Variants in DYNC2H1 observed in about 807,000 individuals in gnomAD.
DYNC2H1 encodes the protein dynein cytoplasmic 2 heavy chain 1.
In DYNC2H1, 410 loss-of-function variants were observed where a neutral mutation model predicts 570.0. That is an observed-to-expected ratio of 0.72 (90% confidence interval 0.66 to 0.78). The LOEUF is 0.78. DYNC2H1 is among the 30% of genes least tolerant of loss of function. The pLI is 0.00. For synonymous variants in DYNC2H1, 1,688 were observed against 1,677.6 expected (o/e 1.01, Z -0.15); for missense variants, 4,865 against 5,046.4 (o/e 0.96, Z 1.09).
Position 103,154,497 on chromosome 11 carries a change from G to C in DYNC2H1, c.3349G>C (p.Ala1117Pro), listed in dbSNP as rs747681243. ...ACTGGAAGAGCCTAATTTCTCCCTG[G>C]CAAGTAGTATCTCTAAAGATATCGA... ...FRLEEPNFSL[A>P]SSISKDIESC... Residue 1117 changes from alanine (A) to proline (P), a missense_variant, in exon 23 of 89, where the codon GCA becomes CCA. Physicochemically the swap from Ala to Pro is conservative, Grantham distance 27. Coordinates refer to ENST00000375735, the MANE Select transcript of DYNC2H1 (RefSeq NM_001377.3). 6.4e-7 allele frequency: 1 copy of C among 1,562,684 alleles called. No homozygotes were observed. Among genetic ancestry groups the C allele is most frequent in the African/African-American group, 1.4e-5 (1 of 73,440 alleles).
intron 29 of DYNC2H1, among the ~76,000 whole-genome samples, chr11:103,162,058 T>C (rs1861115096): frequency 6.6e-6 from 1 of 152,166 alleles, no homozygotes; most frequent in Non-Finnish European, 1.5e-5. Context: ...AGAGTTTTGT[T>C]TTTTTTCCTC....
intron 80 of DYNC2H1, among the ~76,000 whole-genome samples, chr11:103,320,058 A>G (rs1260259859): frequency 6.6e-6 from 1 of 152,228 alleles, no homozygotes; most frequent in Admixed American, 6.5e-5. Context: ...AGTAATGCTA[A>G]CAATAAAGTT....
chr11:103,118,150 G>C (rs193286469), intron 6 of DYNC2H1, among the ~76,000 whole-genome samples: 83 of 152,172 alleles, frequency 5.5e-4, no homozygotes, highest in African/African-American at 1.9e-3. Context: ...TTTGGCTATT[G>C]CAATTGTTTT....
At chr11:103,162,986 AT>A in intron 29 of DYNC2H1, 41 bp from the exon 30 acceptor site, 2 of 1,549,666 alleles carry the variant, frequency 1.3e-6, no homozygotes, top group Admixed American at 3.5e-5. Flanking sequence ...TTTCCAGTTT[AT>A]TTTATGTCTT....
At chr11:103,432,324 T>C (rs1439531573) in intron 84 of DYNC2H1, among the ~76,000 whole-genome samples, 1 of 152,172 alleles carries the variant, frequency 6.6e-6, no homozygotes, top group African/African-American at 2.4e-5. Flanking sequence ...TGAATGACTA[T>C]AGAATGGCCG....
intron 47 of DYNC2H1, among the ~76,000 whole-genome samples, chr11:103,193,621 G>A (rs969512391): frequency 6.6e-6 from 1 of 151,238 alleles, no homozygotes; most frequent in Non-Finnish European, 1.5e-5. Context: ...TCGGCCCACC[G>A]CAACCTCCGC....
intron 70 of DYNC2H1, among the ~76,000 whole-genome samples, chr11:103,276,462 G>A (rs895202821): frequency 6.6e-6 from 1 of 151,968 alleles, no homozygotes; most frequent in Non-Finnish European, 1.5e-5. Context: ...TGGTAGGAAG[G>A]TTTGTGCTTA....
At chr11:103,141,245 G>T (rs1376145599) in intron 17 of DYNC2H1, among the ~76,000 whole-genome samples, 2 of 152,162 alleles carry the variant, frequency 1.3e-5, no homozygotes, top group East Asian at 1.9e-4. Flanking sequence ...TCCGTTACTG[G>T]TGAGGAACTG....
intron 84 of DYNC2H1, among the ~76,000 whole-genome samples, chr11:103,413,970 G>A (rs1260888020): frequency 1.3e-5 from 2 of 152,128 alleles, no homozygotes; most frequent in South Asian, 2.1e-4. Context: ...AAAAACAGAA[G>A]TACATTATTG....
intron 83 of DYNC2H1, among the ~76,000 whole-genome samples, chr11:103,371,425 A>G (rs1941140976): frequency 6.6e-6 from 1 of 152,182 alleles, no homozygotes; most frequent in African/African-American, 2.4e-5. Flanking sequence ...AAATCTAGAG[A>G]AAGATATCAA....
intron 17 of DYNC2H1, among the ~76,000 whole-genome samples, chr11:103,141,204 C>T (rs191897678): frequency 1.2e-3 from 184 of 152,332 alleles, no homozygotes; most frequent in African/African-American, 4.2e-3. Flanking sequence ...CTTCTCTCAA[C>T]TCGTCAAAGT....
intron 83 of DYNC2H1, among the ~76,000 whole-genome samples, chr11:103,364,220 A>AT (rs1940787599): frequency 6.6e-6 from 1 of 152,204 alleles, no homozygotes; most frequent in Non-Finnish European, 1.5e-5. Context: ...GATTCTAAGA[A>AT]TTTAAGAATC....
At chr11:103,434,424 CT>C (rs3989922) in intron 84 of DYNC2H1, among the ~76,000 whole-genome samples, 54,989 of 144,406 alleles carry the variant, frequency 0.38, 10,470 homozygotes, top group East Asian at 0.48. Context: ...TTTTTCCTTC[CT>C]TTTTTTTTTT....
At chr11:103,301,578 T>G (rs1268356992) in intron 75 of DYNC2H1, among the ~76,000 whole-genome samples, 1 of 151,962 alleles carries the variant, frequency 6.6e-6, no homozygotes, top group Non-Finnish European at 1.5e-5. Flanking sequence ...AAAAGAAAAT[T>G]TATAAAATAT....
At chr11:103,131,790 T>C (rs944491107) in intron 13 of DYNC2H1, among the ~76,000 whole-genome samples, 40 of 152,316 alleles carry the variant, frequency 2.6e-4, no homozygotes, top group Middle Eastern at 3.4e-3. Context: ...GACAAACTAC[T>C]GTCATTTGAA....
rs1055924353 is a variant in DYNC2H1 at position 103,391,279 on chromosome 11, T to G, written c.12157-8384T>G. 3.3e-5 allele frequency among the ~76,000 whole-genome samples: 5 copies of G among 152,238 alleles called. No individual in the cohort carries two copies. In the East Asian group the frequency reaches 9.6e-4, roughly 29 times the overall value. On this transcript the variant is annotated intron_variant, in intron 83 of 88. Transcript: ENST00000375735. The stretch of plus-strand genomic sequence containing the variant: ...CAATCACTGATATCCTTTCTTCCAG[T>G]TGATTGAATTGGCTACTGAAGCTTG...
At chr11:103,121,728 A>G (rs572505792) in intron 10 of DYNC2H1, among the ~76,000 whole-genome samples, 9 of 152,270 alleles carry the variant, frequency 5.9e-5, no homozygotes, top group East Asian at 3.9e-4. Context: ...AGTTGTTCCA[A>G]AGAAATACCT....
chr11:103,316,031 A>G (rs959138529), intron 79 of DYNC2H1, among the ~76,000 whole-genome samples: 19 of 152,108 alleles, frequency 1.2e-4, no homozygotes, highest in African/African-American at 3.6e-4. Context: ...TCTACACAAT[A>G]TAGAGCTCTA....
At chr11:103,477,581 C>A (rs553959741) in intron 88 of DYNC2H1, among the ~76,000 whole-genome samples, 1 of 152,104 alleles carries the variant, frequency 6.6e-6, no homozygotes, top group African/African-American at 2.4e-5. Flanking sequence ...CCTGTAATCC[C>A]AGCACTTTGG....
Sources: allele counts gnomAD v4.1 joint callset (sites outside exome capture counted in the v4.1 genomes callset), GRCh38; gene constraint gnomAD v4.1.1; transcripts MANE v1.5; gene names NCBI Gene and HGNC (gene_info 2026-07-23, HGNC 2026-07-21).